Variants in MGMT observed in about 807,000 individuals in gnomAD.
MGMT encodes the protein methylated-DNA--protein-cysteine methyltransferase.
A neutral mutation model predicts 15.9 loss-of-function variants in MGMT; 14 were observed. The observed-to-expected ratio is 0.88, with a 90% confidence interval of 0.58 to 1.37. The LOEUF (loss-of-function observed/expected upper bound fraction) is 1.37. MGMT is among the 40% of genes most tolerant of loss of function. The pLI is 0.00. For synonymous variants in MGMT, 130 were observed against 118.2 expected, an observed-to-expected ratio of 1.10 and a Z score of -0.65; for missense variants, 282 against 268.1, an observed-to-expected ratio of 1.05 and a Z score of -0.36.
chr10:129,749,030 C>T (rs1848725307), intron 3 of MGMT, among the ~76,000 whole-genome samples: 1 of 152,130 alleles, frequency 6.6e-6, no homozygotes, highest in Non-Finnish European at 1.5e-5. Flanking sequence ...AATCAGCTCC[C>T]CTCCCCCATT....
intron 2 of MGMT, among the ~76,000 whole-genome samples, chr10:129,657,559 A>G (rs889552385): frequency 1.1e-4 from 16 of 151,454 alleles, no homozygotes; most frequent in Non-Finnish European, 1.5e-4. Flanking sequence ...GAGAATTCTA[A>G]AGCAGGGAGG....
intron 2 of MGMT, among the ~76,000 whole-genome samples, chr10:129,600,517 C>T (rs955787174): frequency 2.6e-5 from 4 of 152,156 alleles, no homozygotes; most frequent in Non-Finnish European, 4.4e-5. Flanking sequence ...GCAGACATGC[C>T]GACTGTGGAG....
intron 3 of MGMT, among the ~76,000 whole-genome samples, chr10:129,723,359 A>G (rs999252663): frequency 6.6e-6 from 1 of 152,060 alleles, no homozygotes; most frequent in African/African-American, 2.4e-5. Context: ...GTGGATAACC[A>G]TTTTCAGATA....
rs113486173 is a variant in MGMT at position 129,726,011 on chromosome 10, T to C, written c.274+17968T>C. ...TTCCCTCTTCTCACAGAACGAGCCT[T>C]GGGAGAGGAGTGTGTTCTGTCACAC... On this transcript the variant is annotated intron_variant, in intron 3 of 4. Transcript: ENST00000651593. 2.0e-3 allele frequency among the ~76,000 whole-genome samples: 309 copies of C among 152,216 alleles called. 1 individual carries two copies. Among genetic ancestry groups the C allele is most frequent in the African/African-American group, 5.2e-3 (215 of 41,540 alleles).
chr10:129,739,604 A>G (rs1246075729), intron 3 of MGMT, among the ~76,000 whole-genome samples: 1 of 151,072 alleles, frequency 6.6e-6, no homozygotes. Flanking sequence ...CGCCCTGGTC[A>G]GATCAGAACC....
intron 2 of MGMT, chr10:129,536,753 T>C (rs1301581377): frequency 1.3e-5 from 2 of 159,236 alleles, no homozygotes; most frequent in South Asian, 2.0e-4. Flanking sequence ...GGATTAATCT[T>C]GATTAAAAAA....
At chr10:129,476,283 A>G (rs1461530152) in intron 1 of MGMT, among the ~76,000 whole-genome samples, 6 of 151,588 alleles carry the variant, frequency 4.0e-5, no homozygotes, top group Non-Finnish European at 7.4e-5. Flanking sequence ...CATTTTTTGG[A>G]TTGTTTGTCA....
intron 2 of MGMT, among the ~76,000 whole-genome samples, chr10:129,671,203 C>CTGAT (rs1847718634): frequency 6.6e-6 from 1 of 152,198 alleles, no homozygotes. Context: ...ACATTCAAAA[C>CTGAT]TGATTCCTTC....
chr10:129,669,346 T>C (rs993807876), intron 2 of MGMT, among the ~76,000 whole-genome samples: 1 of 152,190 alleles, frequency 6.6e-6, no homozygotes, highest in African/African-American at 2.4e-5. Flanking sequence ...TTCCTTTTTT[T>C]CCTGATCTTT....
At chr10:129,645,322 A>T (rs367944333) in intron 2 of MGMT, among the ~76,000 whole-genome samples, 3 of 152,014 alleles carry the variant, frequency 2.0e-5, no homozygotes, top group African/African-American at 7.2e-5. Flanking sequence ...AGGTTTTACC[A>T]TGTTAATCAG....
intron 1 of MGMT, among the ~76,000 whole-genome samples, chr10:129,489,229 G>A (rs1845442582): frequency 6.6e-6 from 1 of 151,190 alleles, no homozygotes; most frequent in Non-Finnish European, 1.5e-5. Context: ...GTGTGGTGGT[G>A]TGTGCCTGTA....
intron 2 of MGMT, among the ~76,000 whole-genome samples, chr10:129,686,439 A>T (rs1285417065): frequency 6.6e-6 from 1 of 151,930 alleles, no homozygotes; most frequent in Non-Finnish European, 1.5e-5. Context: ...CAGTGGTGTG[A>T]TCTCCTCTCA....
intron 1 of MGMT, among the ~76,000 whole-genome samples, chr10:129,511,471 C>A (rs1328088292): frequency 6.7e-6 from 1 of 149,836 alleles, no homozygotes; most frequent in African/African-American, 2.5e-5. Context: ...CCCCGTATAC[C>A]AGACGCAGCC....
At chr10:129,682,951 C>A (rs1847869013) in intron 2 of MGMT, among the ~76,000 whole-genome samples, 1 of 152,186 alleles carries the variant, frequency 6.6e-6, no homozygotes, top group Non-Finnish European at 1.5e-5. Context: ...CGGGTTCAAG[C>A]GATTCTCCTG....
At chr10:129,653,535 A>C (rs530386421) in intron 2 of MGMT, among the ~76,000 whole-genome samples, 98 of 152,270 alleles carry the variant, frequency 6.4e-4, no homozygotes, top group African/African-American at 2.3e-3. Flanking sequence ...CCCGTGTGGG[A>C]GGGGTAACGC....
chr10:129,704,868 A>G (rs1848141599), intron 2 of MGMT, among the ~76,000 whole-genome samples: 1 of 152,150 alleles, frequency 6.6e-6, no homozygotes, highest in Non-Finnish European at 1.5e-5. Context: ...AGCACAGGAC[A>G]GCGTGTGAGA....
chr10:129,471,352 A>G (rs1845229162), intron 1 of MGMT, among the ~76,000 whole-genome samples: 1 of 152,168 alleles, frequency 6.6e-6, no homozygotes, highest in Non-Finnish European at 1.5e-5. Flanking sequence ...CAGGGCAGAG[A>G]AGGAGATGGG....
intron 3 of MGMT, among the ~76,000 whole-genome samples, chr10:129,739,030 G>A (rs184874588): frequency 5.3e-5 from 8 of 152,254 alleles, no homozygotes; most frequent in African/African-American, 1.7e-4. Flanking sequence ...GTTCCATCAC[G>A]TAAACAGAAC....
chr10:129,568,511 C>T (rs1176465757), intron 2 of MGMT, among the ~76,000 whole-genome samples: 1 of 152,020 alleles, frequency 6.6e-6, no homozygotes, highest in Non-Finnish European at 1.5e-5. Flanking sequence ...GATCTTGGTC[C>T]AAACTATCAT....
Sources: allele counts gnomAD v4.1 joint callset (sites outside exome capture counted in the v4.1 genomes callset), GRCh38; gene constraint gnomAD v4.1.1; transcripts MANE v1.5; gene names NCBI Gene and HGNC (gene_info 2026-07-23, HGNC 2026-07-21).